The following TBC1D16 variants were observed in gnomAD, a reference collection of about 807,000 sequenced individuals.
TBC1D16 encodes the protein TBC1 domain family member 16.
TBC1D16 carries 58 observed loss-of-function variants against 74.7 expected under a neutral mutation model. The observed-to-expected ratio is 0.78, with a 90% CI of 0.63 to 0.97. The LOEUF is 0.97. TBC1D16 is among the 50% of genes least tolerant of loss of function. The pLI is 0.00. For synonymous variants in TBC1D16, 493 were observed against 474.7 expected, an observed-to-expected ratio of 1.04 and a Z score of -0.50; for missense variants, 1,014 against 1,079.5, an observed-to-expected ratio of 0.94 and a Z score of 0.85.
chr17:79,982,803 G>A (rs776057595), intron 3 of TBC1D16, among the ~76,000 whole-genome samples: 9 of 152,126 alleles, frequency 5.9e-5, no homozygotes, highest in Admixed American at 5.9e-4. Context: ...AGATTGCAGT[G>A]AGCCGAGATC....
chr17:79,978,478 G>A (rs1028442009), intron 3 of TBC1D16, among the ~76,000 whole-genome samples: 3 of 152,208 alleles, frequency 2.0e-5, no homozygotes, highest in Non-Finnish European at 2.9e-5. Context: ...CGTGGCGGGC[G>A]GGCAACAATC....
At chr17:79,968,620 G>C (rs537264322) in intron 3 of TBC1D16, among the ~76,000 whole-genome samples, 1 of 151,394 alleles carries the variant, frequency 6.6e-6, no homozygotes, top group Non-Finnish European at 1.5e-5. Flanking sequence ...TTGGGAGGCC[G>C]AGGCAGGTGG....
chr17:79,947,583 A>T, intron 9 of TBC1D16, 62 bp downstream of exon 9: 1 of 1,573,682 alleles, frequency 6.4e-7, no homozygotes, highest in Admixed American at 1.7e-5. Flanking sequence ...CCCCGGCTAC[A>T]ACGGGAGAGG....
chr17:79,967,328 T>G (rs1047871224), intron 3 of TBC1D16, among the ~76,000 whole-genome samples: 1 of 152,170 alleles, frequency 6.6e-6, no homozygotes, highest in African/African-American at 2.4e-5. Flanking sequence ...GGAGTAAAAC[T>G]ATCTCTATTA....
chr17:79,962,007 G>A (rs1029077598), intron 3 of TBC1D16, among the ~76,000 whole-genome samples: 4 of 152,086 alleles, frequency 2.6e-5, no homozygotes, highest in African/African-American at 7.2e-5. Flanking sequence ...TAGCATGGAC[G>A]CATGACAAAA....
chr17:80,028,181 G>A (rs757023713), intron 1 of TBC1D16, among the ~76,000 whole-genome samples: 23 of 151,656 alleles, frequency 1.5e-4, no homozygotes, highest in Non-Finnish European at 2.5e-4. Flanking sequence ...ATTCACAGAT[G>A]GATTGAAGCC....
At chr17:79,955,320 C>T (rs2033286338) in intron 3 of TBC1D16, among the ~76,000 whole-genome samples, 1 of 152,134 alleles carries the variant, frequency 6.6e-6, no homozygotes. Flanking sequence ...CCCCTCGAGG[C>T]CGGCTGCTGT....
At position 79,987,229 on chromosome 17, in the gene TBC1D16, C is replaced by A. The variant is rs1030241521; in HGVS notation, c.779+22931G>T. Among the ~76,000 whole-genome samples the A allele has an allele frequency of 1.3e-5, 2 of 151,904 alleles. No homozygotes were observed. Among genetic ancestry groups the A allele is most frequent in the African/African-American group, 2.4e-5 (1 of 41,366 alleles). ...GGGTGGGAGCGGGGAATAAGCATTT[C>A]TTTAAGGAATTTTTTTTTTACTTTT... On this transcript the variant is annotated intron_variant, in intron 3 of 11. Transcript: ENST00000310924. The surrounding 1 kb of genome is among the most constrained non-coding windows in gnomAD (Gnocchi z 5.2).
chr17:79,998,836 AC>A (rs1437225655), intron 3 of TBC1D16, among the ~76,000 whole-genome samples: 3 of 152,160 alleles, frequency 2.0e-5, no homozygotes, highest in Non-Finnish European at 2.9e-5. Context: ...GTGGTTACAA[AC>A]ACCTGCGTGC....
At chr17:79,963,471 G>A (rs752594962) in intron 3 of TBC1D16, among the ~76,000 whole-genome samples, 1 of 152,076 alleles carries the variant, frequency 6.6e-6, no homozygotes, top group African/African-American at 2.4e-5. Flanking sequence ...GATGGACCGC[G>A]TTTTGTTTAT....
rs1272911042 is a variant in TBC1D16, at chr17:79,983,721, G to A, written c.779+26439C>T. ...CGGGGCACGGAACGACCAGACTGGGGAGGAAGGAGTGGAGCACTGGCCTCC... is the reference window on the plus strand; with the variant it reads ...CGGGGCACGGAACGACCAGACTGGGAAGGAAGGAGTGGAGCACTGGCCTCC... On this transcript the variant is annotated intron_variant, in intron 3 of 11. Coordinates refer to ENST00000310924, the MANE Select transcript of TBC1D16 (RefSeq NM_019020.4). The surrounding 1 kb of genome is among the most constrained non-coding windows in gnomAD (Gnocchi z 5.6). 1.3e-5 allele frequency among the ~76,000 whole-genome samples: 2 copies of A among 152,302 alleles called. No homozygotes were observed. The highest frequency in any genetic ancestry group is 3.9e-4 in the East Asian group (2 of 5,186).
At chr17:79,947,577 G>A (rs1383280727) in intron 9 of TBC1D16, 68 bp downstream of exon 9, 15 of 1,560,388 alleles carry the variant, frequency 9.6e-6, no homozygotes, top group East Asian at 6.8e-5. Context: ...CGGCAACCCC[G>A]GCTACAACGG....
intron 3 of TBC1D16, among the ~76,000 whole-genome samples, chr17:79,966,651 A>T (rs549248280): frequency 6.6e-6 from 1 of 152,278 alleles, no homozygotes; most frequent in African/African-American, 2.4e-5. Flanking sequence ...ATTTCCCTTT[A>T]TCCCTTGGAA....
intron 3 of TBC1D16, among the ~76,000 whole-genome samples, chr17:79,960,800 A>AAAAAAAAAAAAAAAAAAAAAC (rs2033570375): frequency 6.7e-6 from 1 of 148,312 alleles, no homozygotes; most frequent in African/African-American, 2.5e-5. Flanking sequence ...AAAAAAAAAA[A>AAAAAAAAAAAAAAAAAAAAAC]AAAAAAAAAC....
At chr17:80,002,609 C>T (rs1313991241) in intron 3 of TBC1D16, among the ~76,000 whole-genome samples, 1 of 152,240 alleles carries the variant, frequency 6.6e-6, no homozygotes, top group African/African-American at 2.4e-5. Flanking sequence ...CGGGCCTGTC[C>T]TGCTGGGAGG....
At chr17:79,976,753 A>G (rs865961181) in intron 3 of TBC1D16, among the ~76,000 whole-genome samples, 1 of 152,290 alleles carries the variant, frequency 6.6e-6, no homozygotes, top group African/African-American at 2.4e-5. Flanking sequence ...GCCAAAGGGA[A>G]CAGCAAGCTT....
At chr17:80,023,666 C>CCT (rs765410417) in intron 1 of TBC1D16, among the ~76,000 whole-genome samples, 5,788 of 144,528 alleles carry the variant, frequency 0.04, 824 homozygotes, top group African/African-American at 0.12. Context: ...GGCCCCCCCC[C>CCT]ACCGGCTCAG....
At chr17:79,973,251 C>G (rs1036611071) in intron 3 of TBC1D16, among the ~76,000 whole-genome samples, 1 of 152,002 alleles carries the variant, frequency 6.6e-6, no homozygotes, top group East Asian at 1.9e-4. Flanking sequence ...ACAAATTAGG[C>G]ACAGTAAGAG....
At chr17:79,999,533 C>CTTTTTTT (rs71163906) in intron 3 of TBC1D16, among the ~76,000 whole-genome samples, 16 of 76,478 alleles carry the variant, frequency 2.1e-4, no homozygotes, top group East Asian at 3.6e-4. Context: ...CCCCAAATTT[C>CTTTTTTT]TTTTTTTTTT....
Sources: gnomAD v4.1 joint callset for allele counts (sites outside exome capture counted in the v4.1 genomes callset) on GRCh38, gnomAD v4.1.1 for gene constraint, Gnocchi (gnomAD v3.1) non-coding constraint, MANE v1.5 for transcripts, NCBI Gene and HGNC (gene_info 2026-07-23, HGNC 2026-07-21) for gene names.